The following TSNAX variants were observed in gnomAD, a reference collection of about 807,000 sequenced individuals.
TSNAX encodes translin associated factor X, also known as translin-associated protein X.
TSNAX carries 12 observed loss-of-function variants against 33.0 expected under a neutral mutation model. The ratio of observed to expected loss-of-function variants is 0.36; its 90% CI spans 0.23 to 0.59. The LOEUF is 0.59. Ranked by LOEUF, TSNAX falls within the 20% of genes least tolerant of loss-of-function variation. TSNAX has a pLI of 0.74. For synonymous variants in TSNAX, 110 were observed against 117.2 expected (o/e 0.94, Z 0.40); for missense variants, 267 against 341.3 (o/e 0.78, Z 1.72).
In TSNAX at chr1:231,528,843, C is replaced by A; in HGVS notation, c.16+17C>A. 1 of 1,614,176 alleles carries A rather than the reference C, an allele frequency of 6.2e-7. No homozygotes were observed. The highest frequency in any genetic ancestry group is 2.2e-5 in the East Asian group (1 of 44,878). On this transcript the variant is annotated intron_variant, in intron 1 of 5. Transcript: ENST00000366639. ...ACAAAGAAGGTGGCGTCCTTAACAA[C>A]ACGGGGCGTTATTTATCCGGAGGGG...
intron 4 of TSNAX, among the ~76,000 whole-genome samples, chr1:231,557,907 TA>T (rs1572143383): frequency 6.6e-6 from 1 of 152,134 alleles, no homozygotes; most frequent in African/African-American, 2.4e-5. Context: ...CAGGGAAAGT[TA>T]AATACAACAT....
chr1:231,551,390 A>C (rs1443849021), intron 4 of TSNAX, among the ~76,000 whole-genome samples: 1 of 152,348 alleles, frequency 6.6e-6, no homozygotes, highest in South Asian at 2.1e-4. Context: ...ATATCGCTGT[A>C]ACCTTGGAAC....
At chr1:231,549,486 G>A (rs890185038) in intron 4 of TSNAX, among the ~76,000 whole-genome samples, 2 of 152,120 alleles carry the variant, frequency 1.3e-5, no homozygotes, top group Admixed American at 6.5e-5. Flanking sequence ...AACTTAACCA[G>A]GAATATTTAA....
chr1:231,549,923 C>T (rs963504584), intron 4 of TSNAX, among the ~76,000 whole-genome samples: 1 of 152,174 alleles, frequency 6.6e-6, no homozygotes, highest in African/African-American at 2.4e-5. Flanking sequence ...GGCCTCAAGT[C>T]TGAGATCGAG....
chr1:231,553,379 TA>T, intron 4 of TSNAX, among the ~76,000 whole-genome samples: 1 of 152,316 alleles, frequency 6.6e-6, no homozygotes, highest in East Asian at 1.9e-4. Context: ...ACAATTTACA[TA>T]AAAGCAACCT....
chr1:231,545,635 A>G (rs1659856076), intron 4 of TSNAX, among the ~76,000 whole-genome samples: 1 of 152,096 alleles, frequency 6.6e-6, no homozygotes, highest in African/African-American at 2.4e-5. Context: ...TTTTTTCTTA[A>G]GTTTAGTTTA....
At chr1:231,551,868 T>C (rs1345952349) in intron 4 of TSNAX, among the ~76,000 whole-genome samples, 4 of 151,784 alleles carry the variant, frequency 2.6e-5, no homozygotes, top group African/African-American at 7.3e-5. Flanking sequence ...TGCTTGCTCC[T>C]GTAGTCCTAG....
Position 231,537,255 on chromosome 1 carries a change from G to A in TSNAX, c.164G>A (p.Arg55Lys), listed in dbSNP as rs1301719579. ...GATGCAAGGCATGACAAATATGAGA[G>A]ACTTGTGAAACTTAGTCGGGATATA... ...ELDARHDKYE[R>K]LVKLSRDITV... Residue 55 changes from arginine (R) to lysine (K), a missense_variant, in exon 3 of 6, where the codon AGA becomes AAA. Arg to Lys is a conservative substitution (Grantham distance 26). Transcript: ENST00000366639. 6.2e-7 allele frequency: 1 copy of A among 1,613,658 alleles called. No homozygotes were observed. Among genetic ancestry groups the A allele is most frequent in the African/African-American group, 1.3e-5 (1 of 75,012 alleles).
At chr1:231,552,802 T>C (rs926222161) in intron 4 of TSNAX, among the ~76,000 whole-genome samples, 1 of 152,212 alleles carries the variant, frequency 6.6e-6, no homozygotes, top group African/African-American at 2.4e-5. Context: ...TTTGTCTCTA[T>C]GGTAATTTGT....
At chr1:231,535,274 G>T (rs917823873) in intron 2 of TSNAX, 1 of 152,164 alleles carries the variant, frequency 6.6e-6, no homozygotes, top group African/African-American at 2.4e-5. Context: ...CGTTCTGTAA[G>T]TATAGCTTTG....
At chr1:231,563,451 AT>A (rs1201514049) in intron 5 of TSNAX, 5 of 154,850 alleles carry the variant, frequency 3.2e-5, no homozygotes, top group Non-Finnish European at 7.3e-5. Context: ...AGGTACTGTT[AT>A]CCCATTTTAC....
Position 231,528,766 on chromosome 1 carries a change from C to A in TSNAX, c.-45C>A. The A allele has an allele frequency of 6.2e-7, 1 of 1,613,884 alleles. No individual in the cohort carries two copies. The highest frequency in any genetic ancestry group is 8.5e-7 in the Non-Finnish European group (1 of 1,179,904). On this transcript the variant is annotated 5_prime_UTR_variant, in exon 1 of 6. Transcript: ENST00000366639. ...CTGTACCTCGCGCACTCCTCTTGCT[C>A]CAGGTCCTTCAGTCTCCGCTCGTCT... is the stretch of plus-strand genomic sequence containing the variant.
At chr1:231,531,035 C>CA (rs1411606025) in intron 2 of TSNAX, among the ~76,000 whole-genome samples, 1 of 151,264 alleles carries the variant, frequency 6.6e-6, no homozygotes, top group Non-Finnish European at 1.5e-5. Context: ...TGGCTCACTG[C>CA]AAAACCTCTG....
intron 4 of TSNAX, among the ~76,000 whole-genome samples, chr1:231,552,126 T>C (rs886820847): frequency 2.6e-5 from 4 of 152,030 alleles, no homozygotes; most frequent in African/African-American, 9.7e-5. Flanking sequence ...TGAAACCCCG[T>C]CTACAAAAGT....
intron 4 of TSNAX, among the ~76,000 whole-genome samples, chr1:231,558,282 G>A (rs1389659323): frequency 6.6e-6 from 1 of 152,074 alleles, no homozygotes; most frequent in Admixed American, 6.5e-5. Flanking sequence ...ACATGCTGTT[G>A]GCCACCTTGA....
intron 4 of TSNAX, among the ~76,000 whole-genome samples, chr1:231,548,644 G>T (rs1431962055): frequency 6.6e-6 from 1 of 152,212 alleles, no homozygotes; most frequent in Non-Finnish European, 1.5e-5. Flanking sequence ...CCAACTGGAT[G>T]AATAGGAATG....
At chr1:231,529,853 C>G (rs1163681694) in intron 2 of TSNAX, among the ~76,000 whole-genome samples, 1 of 152,138 alleles carries the variant, frequency 6.6e-6, no homozygotes, top group African/African-American at 2.4e-5. Context: ...CAAGTTATTC[C>G]TCAATTCAAA....
intron 4 of TSNAX, among the ~76,000 whole-genome samples, chr1:231,544,655 C>T (rs969454532): frequency 1.3e-5 from 2 of 152,118 alleles, no homozygotes; most frequent in Admixed American, 1.3e-4. Context: ...TTTTGTATGT[C>T]CTCATGCATC....
At chr1:231,543,762 C>G (rs569610423) in intron 4 of TSNAX, among the ~76,000 whole-genome samples, 6 of 152,280 alleles carry the variant, frequency 3.9e-5, no homozygotes, top group African/African-American at 1.4e-4. Context: ...AAGTGTAAAA[C>G]AGTTCTGTGA....
Sources: gnomAD v4.1 joint callset for allele counts (sites outside exome capture counted in the v4.1 genomes callset) on GRCh38, gnomAD v4.1.1 for gene constraint, MANE v1.5 for transcripts, NCBI Gene and HGNC (gene_info 2026-07-23, HGNC 2026-07-21) for gene names.